The following STRBP variants were observed in gnomAD, a reference collection of about 807,000 sequenced individuals.
STRBP encodes the protein spermatid perinuclear RNA-binding protein.
Under a neutral mutation model 80.1 loss-of-function variants are expected in STRBP, and 13 were observed. The observed-to-expected ratio is 0.16, with a 90% CI of 0.11 to 0.26. STRBP has a LOEUF of 0.26. STRBP is among the 10% of genes least tolerant of loss of function. STRBP has a pLI of 1.00. For synonymous variants in STRBP, 284 were observed against 291.2 expected (o/e 0.98, Z 0.25); for missense variants, 485 against 815.2 (o/e 0.59, Z 4.93).
chr9:123,123,632 T>C lies in STRBP; in HGVS notation c.*1965A>G, dbSNP rs1429437770. ...TTTTCACCATTACAGAGCGCGTGAG[T>C]TATGAAGCAGAGTCAGCTACTTCAA... is the stretch of plus-strand genomic sequence containing the variant. On this transcript the variant is annotated 3_prime_UTR_variant, in exon 19 of 19. Coordinates refer to ENST00000348403, the MANE Select transcript of STRBP (RefSeq NM_018387.5). 1 of 985,062 alleles carries C rather than the reference T, an allele frequency of 1.0e-6. No homozygotes were observed. Among genetic ancestry groups the C allele is most frequent in the African/African-American group, 1.8e-5 (1 of 57,132 alleles). The allele number at this position is 985,062 out of a possible 1,614,324, so 61.0% of individuals were successfully genotyped here.
chr9:123,263,573 G>A (rs2041204504), intron 1 of STRBP, among the ~76,000 whole-genome samples: 1 of 147,088 alleles, frequency 6.8e-6, no homozygotes, highest in Admixed American at 6.8e-5. Flanking sequence ...CATTTTTGCT[G>A]TGTCAATCAT....
chr9:123,168,337 G>T, intron 6 of STRBP: 1 of 328,310 alleles, frequency 3.0e-6, no homozygotes, highest in Non-Finnish European at 4.4e-6. Context: ...AAATTTTAAT[G>T]CATAGGCATA....
intron 1 of STRBP, among the ~76,000 whole-genome samples, chr9:123,262,193 A>G (rs994226180): frequency 1.3e-5 from 2 of 152,230 alleles, no homozygotes; most frequent in African/African-American, 4.8e-5. Flanking sequence ...TAGGTCTGGT[A>G]CAAAACACAC....
At chr9:123,228,944 A>G (rs998764821) in intron 2 of STRBP, among the ~76,000 whole-genome samples, 1 of 152,270 alleles carries the variant, frequency 6.6e-6, no homozygotes, top group African/African-American at 2.4e-5. Flanking sequence ...CTAAACGTCC[A>G]TCGACTGATG....
intron 4 of STRBP, among the ~76,000 whole-genome samples, chr9:123,175,821 G>C (rs1020418354): frequency 2.6e-5 from 4 of 152,114 alleles, no homozygotes; most frequent in African/African-American, 7.2e-5. Flanking sequence ...CATCTCCAAA[G>C]TACTGTATAC....
intron 2 of STRBP, among the ~76,000 whole-genome samples, chr9:123,214,174 A>G (rs2039815851): frequency 6.6e-6 from 1 of 151,826 alleles, no homozygotes; most frequent in Non-Finnish European, 1.5e-5. Flanking sequence ...ACACACACAC[A>G]CACACACACA....
At position 123,124,362 on chromosome 9, in the gene STRBP, C is replaced by A. The variant is rs2035820633; in HGVS notation, c.*1235G>T. The A allele has an allele frequency of 3.0e-6, 3 of 985,428 alleles. No individual in the cohort carries two copies. Among genetic ancestry groups the A allele is most frequent in the Middle Eastern group, 1.0e-3 (2 of 1,914 alleles). 61.0% of individuals were successfully genotyped at this position (985,428 alleles called of 1,614,324 possible). The stretch of plus-strand genomic sequence containing the variant: ...CTAGTAACATCATTGGCTTTCCAAA[C>A]AAGGTGAGAATGCAAGTGGAGGACT... On this transcript the variant is annotated 3_prime_UTR_variant, in exon 19 of 19. Transcript: ENST00000348403.
rs192891553 is a variant in STRBP, at chr9:123,247,143, C to T, written c.-301-10177G>A. 3.7e-3 allele frequency among the ~76,000 whole-genome samples: 565 copies of T among 152,250 alleles called. 5 individuals carry two copies. Among genetic ancestry groups the T allele is most frequent in the African/African-American group, 0.013 (548 of 41,558 alleles). On this transcript the variant is annotated intron_variant, in intron 1 of 18. Coordinates refer to ENST00000348403, the MANE Select transcript of STRBP (RefSeq NM_018387.5). ...GGGAGAACAGCCACTACCCAATGCC[C>T]CCCTCAAAAAGCTATCCTTTGAAAA...
At chr9:123,263,656 C>A (rs889576798) in intron 1 of STRBP, among the ~76,000 whole-genome samples, 16 of 152,052 alleles carry the variant, frequency 1.1e-4, no homozygotes, top group Middle Eastern at 3.2e-3. Flanking sequence ...AAAATCATTC[C>A]CCCTCAAATA....
intron 2 of STRBP, among the ~76,000 whole-genome samples, chr9:123,217,348 T>C (rs921823422): frequency 1.1e-4 from 17 of 152,158 alleles, no homozygotes; most frequent in Non-Finnish European, 2.1e-4. Flanking sequence ...AAAAGCATCT[T>C]ATTCCAAGAA....
At chr9:123,220,688 G>A (rs977959856) in intron 2 of STRBP, among the ~76,000 whole-genome samples, 15 of 152,198 alleles carry the variant, frequency 9.9e-5, no homozygotes, top group African/African-American at 3.6e-4. Context: ...ATGTATCACT[G>A]TATTTTTTTA....
chr9:123,207,218 A>G (rs138747146), intron 2 of STRBP, among the ~76,000 whole-genome samples: 94 of 152,322 alleles, frequency 6.2e-4, no homozygotes, highest in African/African-American at 2.1e-3. Flanking sequence ...CAGAAACCCA[A>G]TAAGACAGAC....
chr9:123,157,135 G>C (rs1476269311), intron 11 of STRBP, among the ~76,000 whole-genome samples: 1 of 152,176 alleles, frequency 6.6e-6, no homozygotes, highest in African/African-American at 2.4e-5. Flanking sequence ...AGGTCATACT[G>C]AGCCCAAAAC....
chr9:123,190,370 T>G (rs2038878357), intron 2 of STRBP, among the ~76,000 whole-genome samples: 1 of 151,846 alleles, frequency 6.6e-6, no homozygotes, highest in Non-Finnish European at 1.5e-5. Flanking sequence ...TTCAAATAAA[T>G]TCAACTTTCT....
At chr9:123,239,754 G>C (rs2040653619) in intron 1 of STRBP, among the ~76,000 whole-genome samples, 1 of 152,164 alleles carries the variant, frequency 6.6e-6, no homozygotes, top group East Asian at 1.9e-4. Context: ...TAAAATATTT[G>C]ATAAATACAA....
chr9:123,111,298 A>G (rs2035562406), intron 3 of STRBP: 1 of 249,108 alleles, frequency 4.0e-6, no homozygotes, highest in Non-Finnish European at 8.4e-6. Context: ...TACCCAGAAC[A>G]GAGGAAAGAG....
At chr9:123,177,905 G>A (rs1199428998) in intron 4 of STRBP, among the ~76,000 whole-genome samples, 2 of 152,064 alleles carry the variant, frequency 1.3e-5, no homozygotes, top group African/African-American at 4.8e-5. Flanking sequence ...GATACATATA[G>A]AACTAAATAA....
rs2036199873 is a variant in STRBP at position 123,132,916 on chromosome 9, C to T, written c.1826G>A (p.Gly609Asp). 1 of 1,614,138 alleles carries T rather than the reference C, an allele frequency of 6.2e-7. No homozygotes were observed. Among genetic ancestry groups the T allele is most frequent in the Non-Finnish European group, 8.5e-7 (1 of 1,179,992 alleles). The part of the protein sequence containing the change: ...AVSAAVQAVR[G>D]RGRGTLTRGA... ...CCTTGTTAGAGTTCCTCTTCCTCTG[C>T]CCCGAACAGCTTGGACTGCTGCAGA... The change falls in exon 17 of 19, where the codon GGC becomes GAC. Residue 609 changes from glycine (G) to aspartate (D), a missense_variant. Physicochemically the swap from Gly to Asp is moderately conservative, Grantham distance 94 (BLOSUM62 -1). This residue lies in a region of STRBP where 85 missense variants were observed against 120.1 expected (regional missense o/e 0.71). Coordinates refer to ENST00000348403, the MANE Select transcript of STRBP (RefSeq NM_018387.5).
At chr9:123,190,967 C>G (rs1441794329) in intron 2 of STRBP, among the ~76,000 whole-genome samples, 3 of 152,148 alleles carry the variant, frequency 2.0e-5, no homozygotes, top group African/African-American at 7.2e-5. Flanking sequence ...AAGTATTTAC[C>G]GAACACCTGT....
Sources: allele counts gnomAD v4.1 joint callset (sites outside exome capture counted in the v4.1 genomes callset), GRCh38; gene constraint gnomAD v4.1.1; regional missense constraint gnomAD v4.1.1; transcripts MANE v1.5; gene names NCBI Gene and HGNC (gene_info 2026-07-23, HGNC 2026-07-21).